Variants in SLC13A1 observed in about 807,000 individuals in gnomAD.
The protein encoded by SLC13A1 is Na(+)/sulfate cotransporter.
Under a neutral mutation model 70.0 loss-of-function variants are expected in SLC13A1, and 65 were observed. That is an observed-to-expected ratio of 0.93 (90% CI 0.76 to 1.14). The LOEUF is 1.14. SLC13A1 is among the 50% of genes most tolerant of loss of function. The pLI, the probability that SLC13A1 is intolerant of heterozygous loss-of-function variation, is 0.00. For synonymous variants in SLC13A1, 275 were observed against 250.5 expected (o/e 1.10, Z -0.92); for missense variants, 726 against 717.8 (o/e 1.01, Z -0.13).
intron 7 of SLC13A1, among the ~76,000 whole-genome samples, chr7:123,136,588 TTACCTAACA>T (rs1793955762): frequency 6.6e-6 from 1 of 152,180 alleles, no homozygotes; most frequent in African/African-American, 2.4e-5. Context: ...TCCTTTTCTT[TTACCTAACA>T]CTGTTTGGTA....
chr7:123,128,752 T>C (rs1793652199), intron 10 of SLC13A1, 93 bp downstream of exon 10: 2 of 762,578 alleles, frequency 2.6e-6, no homozygotes, highest in African/African-American at 1.8e-5. Context: ...AAGAAAAATA[T>C]CTCATCCAAT....
intron 6 of SLC13A1, among the ~76,000 whole-genome samples, chr7:123,166,526 T>C (rs192292110): frequency 2.6e-5 from 4 of 152,252 alleles, no homozygotes; most frequent in Admixed American, 2.6e-4. Context: ...GTATATCTCC[T>C]AATGCTATCC....
At chr7:123,165,285 G>A (rs1795032622) in intron 6 of SLC13A1, among the ~76,000 whole-genome samples, 1 of 151,968 alleles carries the variant, frequency 6.6e-6, no homozygotes, top group Admixed American at 6.6e-5. Context: ...TTTATATAAA[G>A]CTAAATTTTT....
At chr7:123,174,334 C>T (rs568591621) in intron 2 of SLC13A1, among the ~76,000 whole-genome samples, 16 of 152,116 alleles carry the variant, frequency 1.1e-4, no homozygotes, top group South Asian at 2.1e-4. Context: ...AACATATCCA[C>T]AATGACACTT....
At chr7:123,118,836 G>C (rs79860884) in intron 13 of SLC13A1, among the ~76,000 whole-genome samples, 3 of 152,140 alleles carry the variant, frequency 2.0e-5, no homozygotes, top group Non-Finnish European at 2.9e-5. Flanking sequence ...AACGAAAAAA[G>C]CTGGACTGAG....
At chr7:123,169,790 G>A (rs1795204140) in intron 3 of SLC13A1, among the ~76,000 whole-genome samples, 1 of 152,038 alleles carries the variant, frequency 6.6e-6, no homozygotes, top group African/African-American at 2.4e-5. Context: ...GTTCATAGGG[G>A]TGTCAAGGAG....
In SLC13A1 at chr7:123,147,357, G is replaced by T. The variant is rs1453250741; in HGVS notation, c.661-47C>A. Reference sequence around the variant, plus strand: ...CTACCATGAGAACTGCTCTATATTTGTTATGGACTGAATATTTGTGTCCCA... The same window carrying T: ...CTACCATGAGAACTGCTCTATATTTTTTATGGACTGAATATTTGTGTCCCA... On this transcript the variant is annotated intron_variant, in intron 6 of 14. Transcript: ENST00000194130. 6 of 1,593,186 alleles carry T rather than the reference G, an allele frequency of 3.8e-6. No homozygotes were observed. The South Asian group carries it at 4.5e-5, about 12-fold the overall frequency.
chr7:123,128,001 AATTTAGAAAATTATGCT>A (rs1169477153), intron 10 of SLC13A1, among the ~76,000 whole-genome samples: 3 of 152,004 alleles, frequency 2.0e-5, no homozygotes, highest in African/African-American at 7.2e-5. Flanking sequence ...GATGGTCCTT[AATTTAGAAAATTATGCT>A]ATACCCTTCC....
chr7:123,115,400 A>G lies in SLC13A1; in HGVS notation c.*118T>C. 9.6e-7 allele frequency: 1 copy of G among 1,037,816 alleles called. No homozygotes were observed. The highest frequency in any genetic ancestry group is 1.4e-6 in the Non-Finnish European group (1 of 719,244). 64.3% of individuals were successfully genotyped at this position (1,037,816 alleles called of 1,614,324 possible). A position where few individuals can be genotyped will look rare whatever the true frequency, so the allele number is the denominator to read the frequency against. ...GGTTTCGGGTATTCACAGGAATTGC[A>G]GCAGCTACACCATAACTGATTTAAA... On this transcript the variant is annotated 3_prime_UTR_variant, in exon 15 of 15. Coordinates refer to ENST00000194130, the MANE Select transcript of SLC13A1 (RefSeq NM_022444.4).
intron 14 of SLC13A1, among the ~76,000 whole-genome samples, chr7:123,116,733 C>G (rs1793192330): frequency 6.6e-6 from 1 of 152,062 alleles, no homozygotes; most frequent in Admixed American, 6.6e-5. Context: ...GAACAGCAGT[C>G]TGTGTGAAAG....
At chr7:123,198,546 T>C (rs985490362) in intron 1 of SLC13A1, among the ~76,000 whole-genome samples, 1 of 152,020 alleles carries the variant, frequency 6.6e-6, no homozygotes, top group African/African-American at 2.4e-5. Flanking sequence ...AGATTGCACC[T>C]GGTGGGAGAC....
At chr7:123,149,409 T>C (rs1269007353) in intron 6 of SLC13A1, 2 of 450,280 alleles carry the variant, frequency 4.4e-6, no homozygotes, top group Non-Finnish European at 8.9e-6. Flanking sequence ...AGATAGCAAG[T>C]TCTCCAAGTA....
chr7:123,154,328 T>C (rs1459509320), intron 6 of SLC13A1, among the ~76,000 whole-genome samples: 1 of 152,144 alleles, frequency 6.6e-6, no homozygotes, highest in Non-Finnish European at 1.5e-5. Context: ...CCACATCTTC[T>C]TCCAAGTAAC....
At chr7:123,149,963 T>C (rs1794497885) in intron 6 of SLC13A1, among the ~76,000 whole-genome samples, 1 of 152,188 alleles carries the variant, frequency 6.6e-6, no homozygotes, top group Non-Finnish European at 1.5e-5. Context: ...TAGTTCTTTA[T>C]GAAAATTCCA....
At chr7:123,197,105 C>A (rs545250917) in intron 1 of SLC13A1, among the ~76,000 whole-genome samples, 86 of 152,232 alleles carry the variant, frequency 5.6e-4, no homozygotes, top group African/African-American at 1.9e-3. Context: ...TATTCTCCGT[C>A]CCTGTTAATA....
chr7:123,119,318 A>T (rs1793294522), intron 12 of SLC13A1, 76 bp from the exon 13 acceptor site: 2 of 1,020,466 alleles, frequency 2.0e-6, no homozygotes. Flanking sequence ...CCATAAAAAA[A>T]CATTATTTCC....
chr7:123,136,654 G>A (rs1234783841), intron 7 of SLC13A1, among the ~76,000 whole-genome samples: 2 of 152,166 alleles, frequency 1.3e-5, no homozygotes, highest in African/African-American at 4.8e-5. Context: ...ACATAGTGGT[G>A]AATGAGATTG....
chr7:123,140,992 T>C (rs1192673369), intron 7 of SLC13A1, among the ~76,000 whole-genome samples: 2 of 152,090 alleles, frequency 1.3e-5, no homozygotes, highest in Non-Finnish European at 2.9e-5. Context: ...TTCTTTAAGA[T>C]GCATCGTTAG....
At chr7:123,189,352 A>G (rs1196867334) in intron 1 of SLC13A1, among the ~76,000 whole-genome samples, 1 of 152,054 alleles carries the variant, frequency 6.6e-6, no homozygotes, top group Non-Finnish European at 1.5e-5. Context: ...ATGCAGACAC[A>G]TAAGCTTCTG....
Sources: gnomAD v4.1 joint callset for allele counts (sites outside exome capture counted in the v4.1 genomes callset) on GRCh38, gnomAD v4.1.1 for gene constraint, MANE v1.5 for transcripts, NCBI Gene and HGNC (gene_info 2026-07-23, HGNC 2026-07-21) for gene names.